The following NTM variants were observed in gnomAD, a reference collection of about 807,000 sequenced individuals.
NTM encodes the protein neurotrimin, also known as IgLON family member 2.
Under a neutral mutation model 42.1 loss-of-function variants are expected in NTM, and 13 were observed. The ratio of observed to expected loss-of-function variants is 0.31; its 90% CI spans 0.20 to 0.49. The LOEUF is 0.49. NTM is among the 20% of genes least tolerant of loss of function. The pLI is 0.99. For synonymous variants in NTM, 187 were observed against 179.2 expected, an observed-to-expected ratio of 1.04 and a Z score of -0.35; for missense variants, 373 against 452.8, an observed-to-expected ratio of 0.82 and a Z score of 1.60.
At chr11:131,756,088 T>G (rs2083293432) in intron 1 of NTM, among the ~76,000 whole-genome samples, 1 of 152,208 alleles carries the variant, frequency 6.6e-6, no homozygotes, top group African/African-American at 2.4e-5. Context: ...GCTCCTGGGT[T>G]GCATCTGAGC....
intron 1 of NTM, among the ~76,000 whole-genome samples, chr11:131,812,495 C>G (rs2092778847): frequency 6.6e-6 from 1 of 152,000 alleles, no homozygotes; most frequent in Non-Finnish European, 1.5e-5. Flanking sequence ...TCTCTCCATC[C>G]CTCCTTTTTC....
intron 1 of NTM, among the ~76,000 whole-genome samples, chr11:131,447,646 C>T (rs956041410): frequency 2.8e-4 from 42 of 152,184 alleles, no homozygotes; most frequent in Non-Finnish European, 1.0e-4. Context: ...CTGATTGCAT[C>T]CCATGCCTTG....
At chr11:132,020,407 C>A (rs1444890383) in intron 2 of NTM, among the ~76,000 whole-genome samples, 2 of 151,430 alleles carry the variant, frequency 1.3e-5, no homozygotes, top group African/African-American at 4.8e-5. Context: ...TTTTTAAGTT[C>A]CTCTATTTCT....
At chr11:131,802,138 C>G (rs1223196490) in intron 1 of NTM, among the ~76,000 whole-genome samples, 1 of 152,180 alleles carries the variant, frequency 6.6e-6, no homozygotes, top group African/African-American at 2.4e-5. Context: ...CATCTTTCAA[C>G]TGACAATAAA....
chr11:131,418,772 T>C (rs1947204293), intron 1 of NTM, among the ~76,000 whole-genome samples: 2 of 152,176 alleles, frequency 1.3e-5, no homozygotes, highest in South Asian at 2.1e-4. Flanking sequence ...CTCTATTAAA[T>C]TGCAAGAAAT....
chr11:131,474,570 C>A (rs1187090727), intron 1 of NTM, among the ~76,000 whole-genome samples: 2 of 152,108 alleles, frequency 1.3e-5, no homozygotes, highest in Non-Finnish European at 2.9e-5. Context: ...TCATCTATAG[C>A]TCCTGCTCTG....
intron 1 of NTM, among the ~76,000 whole-genome samples, chr11:131,489,207 C>T (rs934125456): frequency 3.3e-5 from 5 of 152,104 alleles, no homozygotes; most frequent in Non-Finnish European, 1.5e-5. Flanking sequence ...TTTGCTATGC[C>T]CTCAGATTCA....
At chr11:132,023,566 T>G (rs1048965013) in intron 2 of NTM, among the ~76,000 whole-genome samples, 11 of 152,168 alleles carry the variant, frequency 7.2e-5, no homozygotes, top group African/African-American at 2.7e-4. Context: ...CTCCAGTGTC[T>G]AGCTCTCTTT....
At chr11:131,646,000 C>T (rs747100794) in intron 1 of NTM, among the ~76,000 whole-genome samples, 7 of 152,156 alleles carry the variant, frequency 4.6e-5, no homozygotes, top group Admixed American at 6.5e-5. Flanking sequence ...CATGTCAGTA[C>T]GGAGCACAGG....
intron 1 of NTM, among the ~76,000 whole-genome samples, chr11:131,803,047 C>G (rs1220729970): frequency 6.6e-6 from 1 of 152,178 alleles, no homozygotes; most frequent in African/African-American, 2.4e-5. Flanking sequence ...ACCTGGCACC[C>G]TCCATTTCCA....
Position 131,930,698 on chromosome 11 carries a change from C to T in NTM, c.167+19050C>T, listed in dbSNP as rs193030198. Among the ~76,000 whole-genome samples the T allele has an allele frequency of 1.3e-3, 192 of 152,274 alleles. 1 individual carries two copies. Among genetic ancestry groups the T allele is most frequent in the African/African-American group, 4.4e-3 (183 of 41,558 alleles). ...TGGCCTGAATTTTTGTTTATTTCCT[C>T]CTTTCCTTTAGACTTTTACCAAATA... On this transcript the variant is annotated intron_variant, in intron 2 of 8. Coordinates refer to ENST00000683400, the MANE Select transcript of NTM (RefSeq NM_001352005.2).
At chr11:132,226,684 G>A (rs1592352000) in intron 4 of NTM, among the ~76,000 whole-genome samples, 2 of 152,276 alleles carry the variant, frequency 1.3e-5, no homozygotes, top group Non-Finnish European at 2.9e-5. Flanking sequence ...AGGCATAAAG[G>A]TATGCCAGTT....
At chr11:132,261,166 T>C (rs866427635) in intron 4 of NTM, among the ~76,000 whole-genome samples, 1 of 152,136 alleles carries the variant, frequency 6.6e-6, no homozygotes, top group African/African-American at 2.4e-5. Context: ...AAAGGTGGGC[T>C]TTTTATGGAG....
chr11:131,483,461 A>G (rs909187831), intron 1 of NTM, among the ~76,000 whole-genome samples: 2 of 152,256 alleles, frequency 1.3e-5, no homozygotes, highest in South Asian at 2.1e-4. Context: ...CATGAAGTTA[A>G]TAAGAAGCAG....
At chr11:131,597,562 C>T (rs1282146567) in intron 1 of NTM, among the ~76,000 whole-genome samples, 2 of 152,192 alleles carry the variant, frequency 1.3e-5, no homozygotes, top group Non-Finnish European at 2.9e-5. Flanking sequence ...GTTCCTGTTC[C>T]TATTTCTGCT....
intron 1 of NTM, among the ~76,000 whole-genome samples, chr11:131,822,632 T>TCC (rs146670115): frequency 0.019 from 2,938 of 152,302 alleles, 85 homozygotes; most frequent in African/African-American, 0.067. Context: ...TAGAAAACTC[T>TCC]CCAACAAGTC....
intron 3 of NTM, among the ~76,000 whole-genome samples, chr11:132,177,829 T>C (rs997123935): frequency 6.6e-6 from 1 of 152,252 alleles, no homozygotes; most frequent in Non-Finnish European, 1.5e-5. Context: ...GCACTCATCC[T>C]GACTGGGTAA....
intron 2 of NTM, among the ~76,000 whole-genome samples, chr11:132,023,698 C>CTTTGTTGTTGTTGTTGGT (rs1295101362): frequency 1.9e-4 from 29 of 151,634 alleles, no homozygotes; most frequent in Non-Finnish European, 2.5e-4. Context: ...GGAAGATATG[C>CTTTGTTGTTGTTGTTGGT]TTTGTTGTTG....
chr11:132,298,461 T>G (rs1292830534), intron 4 of NTM, among the ~76,000 whole-genome samples: 6 of 152,168 alleles, frequency 3.9e-5, no homozygotes, highest in Non-Finnish European at 8.8e-5. Context: ...AGGGTCTGCA[T>G]GCAGATTTGA....
Sources: gnomAD v4.1 joint callset for allele counts (sites outside exome capture counted in the v4.1 genomes callset) on GRCh38, gnomAD v4.1.1 for gene constraint, MANE v1.5 for transcripts, NCBI Gene and HGNC (gene_info 2026-07-23, HGNC 2026-07-21) for gene names.